AFG2A: variants seen among roughly 807,000 people sequenced by gnomAD.
The protein encoded by AFG2A is ATPase family gene 2 protein homolog A.
the AFG2A span, among the ~76,000 whole-genome samples, chr4:122,978,547 C>T: frequency 6.6e-6 from 1 of 152,228 alleles, no homozygotes; most frequent in African/African-American, 2.4e-5. Flanking sequence ...ACAGCCTGCC[C>T]TCCATGCTTC....
At chr4:122,965,080 T>C in the AFG2A span, among the ~76,000 whole-genome samples, 9 of 152,224 alleles carry the variant, frequency 5.9e-5, no homozygotes, top group Admixed American at 5.2e-4. Context: ...TAGCAAATTT[T>C]ATGCTCAACT....
the AFG2A span, among the ~76,000 whole-genome samples, chr4:123,038,325 CA>C: frequency 1.3e-5 from 2 of 152,062 alleles, no homozygotes; most frequent in Admixed American, 1.3e-4. Flanking sequence ...AAAGATTCCA[CA>C]AAATTAGTAC....
At chr4:123,089,657 C>G in the AFG2A span, among the ~76,000 whole-genome samples, 2 of 151,816 alleles carry the variant, frequency 1.3e-5, no homozygotes, top group Admixed American at 6.6e-5. Flanking sequence ...TGATCTCCGC[C>G]CACTGCAACC....
the AFG2A span, among the ~76,000 whole-genome samples, chr4:123,096,888 A>G: frequency 6.6e-6 from 1 of 152,210 alleles, no homozygotes; most frequent in South Asian, 2.1e-4. Flanking sequence ...GTTTTTCTGG[A>G]AGAGGAAATG....
At chr4:123,114,637 C>T in the AFG2A span, among the ~76,000 whole-genome samples, 4 of 152,188 alleles carry the variant, frequency 2.6e-5, no homozygotes, top group African/African-American at 4.8e-5. Flanking sequence ...CCTGGGTACT[C>T]GAGAGCACCA....
chr4:123,295,243 C>T, the AFG2A span, among the ~76,000 whole-genome samples: 4 of 152,178 alleles, frequency 2.6e-5, no homozygotes, highest in Non-Finnish European at 5.9e-5. Flanking sequence ...GTGACTAGAG[C>T]TGGCAGAGGC....
the AFG2A span, among the ~76,000 whole-genome samples, chr4:123,209,248 G>T: frequency 6.6e-6 from 1 of 152,086 alleles, no homozygotes; most frequent in African/African-American, 2.4e-5. Context: ...GTCTCCTGGG[G>T]TCCTGACACT....
At chr4:123,148,323 G>A in the AFG2A span, among the ~76,000 whole-genome samples, 3 of 152,170 alleles carry the variant, frequency 2.0e-5, no homozygotes, top group Admixed American at 6.5e-5. Flanking sequence ...TTGTTGAAAA[G>A]TGGGGAGTGA....
At chr4:123,264,210 G>A in the AFG2A span, among the ~76,000 whole-genome samples, 2 of 152,120 alleles carry the variant, frequency 1.3e-5, no homozygotes, top group African/African-American at 4.8e-5. Flanking sequence ...GGACTTGGGG[G>A]AAAGGGTGTG....
the AFG2A span, among the ~76,000 whole-genome samples, chr4:123,098,535 AG>A: frequency 2.0e-5 from 3 of 151,988 alleles, no homozygotes; most frequent in Non-Finnish European, 4.4e-5. Context: ...TTAGACCTCC[AG>A]GCCCTGATAA....
At chr4:123,221,182 G>T in the AFG2A span, among the ~76,000 whole-genome samples, 1 of 152,190 alleles carries the variant, frequency 6.6e-6, no homozygotes, top group South Asian at 2.1e-4. Context: ...TTGAGACAGG[G>T]TCTCACTCTG....
chr4:123,268,506 C>T, the AFG2A span, among the ~76,000 whole-genome samples: 2 of 152,118 alleles, frequency 1.3e-5, no homozygotes, highest in African/African-American at 2.4e-5. Flanking sequence ...AGATTGAAAG[C>T]CTCTACCAAG....
chr4:123,118,152 A>G, the AFG2A span, among the ~76,000 whole-genome samples: 1 of 151,412 alleles, frequency 6.6e-6, no homozygotes, highest in Middle Eastern at 3.4e-3. Flanking sequence ...CTGTATGGAA[A>G]GATATACATG....
the AFG2A span, among the ~76,000 whole-genome samples, chr4:123,143,140 A>G: frequency 2.0e-5 from 3 of 151,860 alleles, no homozygotes; most frequent in Non-Finnish European, 4.4e-5. Context: ...GTCCCAAGCA[A>G]TTCAGATAAG....
the AFG2A span, among the ~76,000 whole-genome samples, chr4:123,051,024 T>G: frequency 2.6e-5 from 4 of 152,088 alleles, no homozygotes; most frequent in Non-Finnish European, 5.9e-5. Context: ...TGTGAGGGTC[T>G]TGTTTTTTAA....
the AFG2A span, among the ~76,000 whole-genome samples, chr4:122,960,919 G>A: frequency 1.3e-5 from 2 of 152,072 alleles, no homozygotes; most frequent in Non-Finnish European, 2.9e-5. Flanking sequence ...TGTCAACGTT[G>A]TTTTCTAAGT....
chr4:122,944,255 C>T, the AFG2A span, among the ~76,000 whole-genome samples: 7 of 152,110 alleles, frequency 4.6e-5, no homozygotes, highest in East Asian at 7.7e-4. Flanking sequence ...CCATTCTCCC[C>T]GTCACTTTCA....
chr4:123,075,991 A>AC, the AFG2A span, among the ~76,000 whole-genome samples: 10 of 150,318 alleles, frequency 6.7e-5, no homozygotes, highest in East Asian at 6.0e-4. Context: ...AAAAAAACAA[A>AC]AAAAAAAGAA....
At chr4:123,278,090 C>T in the AFG2A span, among the ~76,000 whole-genome samples, 4 of 151,772 alleles carry the variant, frequency 2.6e-5, no homozygotes, top group South Asian at 8.3e-4. Context: ...TCTGTCTGGT[C>T]CTGGGCTTTT....
Sources: gnomAD v4.1 joint callset for allele counts (sites outside exome capture counted in the v4.1 genomes callset) on GRCh38, gnomAD v4.1.1 for gene constraint, MANE v1.5 for transcripts, NCBI Gene and HGNC (gene_info 2026-07-23, HGNC 2026-07-21) for gene names.